Variants in ULK4 observed in about 807,000 individuals in gnomAD.
The protein encoded by ULK4 is unc-51 like kinase 4.
Under a neutral mutation model 160.6 loss-of-function variants are expected in ULK4, and 133 were observed. The observed-to-expected ratio is 0.83, with a 90% CI of 0.72 to 0.96. The LOEUF (loss-of-function observed/expected upper bound fraction) is 0.96. Ranked by LOEUF, ULK4 falls within the 40% of genes least tolerant of loss-of-function variation. ULK4 has a pLI of 0.00. For missense variants in ULK4, 1,580 were observed against 1,499.5 expected (o/e 1.05, Z -0.89); for synonymous variants, 534 against 539.8 (o/e 0.99, Z 0.15).
intron 35 of ULK4, among the ~76,000 whole-genome samples, chr3:41,261,933 T>C (rs1332248198): frequency 6.6e-6 from 1 of 152,244 alleles, no homozygotes; most frequent in Non-Finnish European, 1.5e-5. Flanking sequence ...GGGTAGCCAC[T>C]GTGGGCCATT....
At chr3:41,322,349 A>G (rs993294620) in intron 35 of ULK4, among the ~76,000 whole-genome samples, 1 of 151,980 alleles carries the variant, frequency 6.6e-6, no homozygotes, top group Non-Finnish European at 1.5e-5. Flanking sequence ...CTTTTTTAAT[A>G]AACGTTCACT....
intron 17 of ULK4, among the ~76,000 whole-genome samples, chr3:41,844,969 T>C (rs1452343541): frequency 2.7e-5 from 2 of 75,240 alleles, no homozygotes. Flanking sequence ...CCAGATATCT[T>C]TTTTTTTTTT....
intron 1 of ULK4, among the ~76,000 whole-genome samples, chr3:41,961,391 G>A (rs942416167): frequency 3.3e-5 from 5 of 152,150 alleles, no homozygotes; most frequent in African/African-American, 9.7e-5. Context: ...TACACGCCCT[G>A]GGGTGACTGG....
At chr3:41,806,966 G>A (rs1272129001) in intron 19 of ULK4, among the ~76,000 whole-genome samples, 1 of 151,874 alleles carries the variant, frequency 6.6e-6, no homozygotes, top group Non-Finnish European at 1.5e-5. Flanking sequence ...TGGGATACGT[G>A]GCAAAACCTC....
chr3:41,574,835 T>C (rs1435511119), intron 31 of ULK4, among the ~76,000 whole-genome samples: 2 of 152,132 alleles, frequency 1.3e-5, no homozygotes, highest in Admixed American at 6.5e-5. Flanking sequence ...CGTGAGCCAC[T>C]GCGCCAGGCC....
intron 22 of ULK4, among the ~76,000 whole-genome samples, chr3:41,729,265 C>T (rs1277220291): frequency 1.3e-5 from 2 of 152,168 alleles, no homozygotes; most frequent in African/African-American, 2.4e-5. Flanking sequence ...AAGCAAGGAG[C>T]CCCCAGTAGC....
chr3:41,478,550 G>C (rs2084213375), intron 32 of ULK4, among the ~76,000 whole-genome samples: 1 of 152,196 alleles, frequency 6.6e-6, no homozygotes, highest in Non-Finnish European at 1.5e-5. Context: ...TCCCAAGTGA[G>C]TGCCATGCCC....
chr3:41,957,717 A>T (rs1047620034), intron 1 of ULK4, among the ~76,000 whole-genome samples: 3 of 151,728 alleles, frequency 2.0e-5, no homozygotes, highest in Non-Finnish European at 4.4e-5. Flanking sequence ...TGTCTCAGAA[A>T]AAAAAAAAAA....
intron 32 of ULK4, among the ~76,000 whole-genome samples, chr3:41,521,733 T>C (rs930472879): frequency 2.6e-5 from 4 of 152,232 alleles, no homozygotes; most frequent in Non-Finnish European, 5.9e-5. Context: ...ATTCAGTTAT[T>C]ATACATGACA....
At chr3:41,717,495 G>A (rs1279982761) in intron 23 of ULK4, among the ~76,000 whole-genome samples, 1 of 151,960 alleles carries the variant, frequency 6.6e-6, no homozygotes, top group Non-Finnish European at 1.5e-5. Context: ...AGTTTACCTC[G>A]GATCACACCT....
At chr3:41,534,575 C>T (rs531812668) in intron 32 of ULK4, among the ~76,000 whole-genome samples, 1 of 149,064 alleles carries the variant, frequency 6.7e-6, no homozygotes, top group East Asian at 2.0e-4. Context: ...TCAGTAACTA[C>T]ACTTAACAGT....
rs180728238 is a variant in ULK4 at position 41,654,370 on chromosome 3, T to C, written c.3071+9237A>G. ...AGCAGTTGAATCAAGAAAAAGGATT[T>C]CCACAGGAAAAACAAAATGCTAAAT... On this transcript the variant is annotated intron_variant, in intron 30 of 36. Coordinates refer to ENST00000301831, the MANE Select transcript of ULK4 (RefSeq NM_017886.4). Among the ~76,000 whole-genome samples, 3 of 152,232 alleles carry C rather than the reference T, an allele frequency of 2.0e-5. No homozygotes were observed. The East Asian group carries it at 5.8e-4, about 29-fold the overall frequency.
In ULK4 at chr3:41,309,898, G is replaced by GA. The variant is rs35153974; in HGVS notation, c.3679-60325dup. Among the ~76,000 whole-genome samples, 186 of 144,424 alleles carry GA rather than the reference G, an allele frequency of 1.3e-3. 2 individuals carry two copies. The highest frequency in any genetic ancestry group is 0.011 in the Middle Eastern group (3 of 278). The allele number at this position is 144,424 out of a possible 152,430, so 94.7% of individuals were successfully genotyped here. ...GTAAATCTAACCAATGCCTTTTAGG[G>GA]AAAAAAAAAAAAATGACACATTTTA... is the stretch of plus-strand genomic sequence containing the variant. On this transcript the variant is annotated intron_variant, in intron 35 of 36. Transcript: ENST00000301831.
chr3:41,567,655 G>T (rs999652170), intron 31 of ULK4, among the ~76,000 whole-genome samples: 2 of 151,898 alleles, frequency 1.3e-5, no homozygotes, highest in African/African-American at 4.8e-5. Flanking sequence ...AGTAGAGACA[G>T]GGTTTGACTG....
At chr3:41,904,082 C>G (rs1163400896) in intron 12 of ULK4, among the ~76,000 whole-genome samples, 1 of 150,116 alleles carries the variant, frequency 6.7e-6, no homozygotes, top group Non-Finnish European at 1.5e-5. Context: ...TTACATTTTA[C>G]AAGTTTTTTA....
intron 30 of ULK4, among the ~76,000 whole-genome samples, chr3:41,660,989 T>G (rs895603651): frequency 6.6e-6 from 1 of 152,214 alleles, no homozygotes; most frequent in African/African-American, 2.4e-5. Context: ...ATGTTTTACT[T>G]ATATAAAATT....
At chr3:41,521,473 T>C (rs1329599238) in intron 32 of ULK4, among the ~76,000 whole-genome samples, 1 of 151,502 alleles carries the variant, frequency 6.6e-6, no homozygotes, top group Non-Finnish European at 1.5e-5. Flanking sequence ...AATGAGTTAT[T>C]TCCCACCCTA....
chr3:41,867,056 T>C (rs1474035430), intron 17 of ULK4, among the ~76,000 whole-genome samples: 1 of 152,232 alleles, frequency 6.6e-6, no homozygotes, highest in East Asian at 1.9e-4. Flanking sequence ...TGGTTTGGTT[T>C]CATCTCTTTT....
At chr3:41,856,508 AATAAAT>A (rs1414516601) in intron 17 of ULK4, among the ~76,000 whole-genome samples, 141 of 95,902 alleles carry the variant, frequency 1.5e-3, no homozygotes, top group African/African-American at 4.7e-3. Context: ...TAAATAAATA[AATAAAT>A]ATATATATAT....
Sources: allele counts gnomAD v4.1 joint callset (sites outside exome capture counted in the v4.1 genomes callset), GRCh38; gene constraint gnomAD v4.1.1; transcripts MANE v1.5; gene names NCBI Gene and HGNC (gene_info 2026-07-23, HGNC 2026-07-21).